MFAP3: variants seen among roughly 807,000 people sequenced by gnomAD.
MFAP3 encodes the protein microfibril associated protein 3.
A neutral mutation model predicts 20.5 loss-of-function variants in MFAP3; 8 were observed. That is an observed-to-expected ratio of 0.39 (90% CI 0.23 to 0.70). The LOEUF is 0.70. Ranked by LOEUF, MFAP3 falls within the 30% of genes least tolerant of loss-of-function variation. The pLI is 0.44. For synonymous variants in MFAP3, 140 were observed against 154.0 expected, an observed-to-expected ratio of 0.91 and a Z score of 0.67; for missense variants, 398 against 444.6, an observed-to-expected ratio of 0.90 and a Z score of 0.94.
At chr5:154,041,132 C>CAAA (rs1176053953) in intron 1 of MFAP3, among the ~76,000 whole-genome samples, 1 of 111,656 alleles carries the variant, frequency 9.0e-6, no homozygotes. Flanking sequence ...ACTGACAGAG[C>CAAA]AAAAAAAAAA....
At chr5:154,045,764 C>T (rs1393233614) in intron 1 of MFAP3, among the ~76,000 whole-genome samples, 2 of 152,106 alleles carry the variant, frequency 1.3e-5, no homozygotes, top group African/African-American at 4.8e-5. Flanking sequence ...AGTCACAGAT[C>T]GTATTTGAAT....
Position 154,055,693 on chromosome 5 carries a change from A to C in MFAP3, c.*1980A>C, listed in dbSNP as rs1042511915. 9.2e-5 allele frequency among the ~76,000 whole-genome samples: 14 copies of C among 151,978 alleles called. No homozygotes were observed. Among genetic ancestry groups the C allele is most frequent in the Admixed American group, 8.5e-4 (13 of 15,260 alleles). Reference sequence around the variant, plus strand: ...AGATCATAGCTCACTGCAGCCTCCAACTCCTGGGGTCAAGCGATCGTCCTG... The same window carrying C: ...AGATCATAGCTCACTGCAGCCTCCACCTCCTGGGGTCAAGCGATCGTCCTG... On this transcript the variant is annotated 3_prime_UTR_variant, in exon 3 of 3. Transcript: ENST00000522782.
chr5:154,044,559 C>G (rs969428113), intron 1 of MFAP3, among the ~76,000 whole-genome samples: 3 of 152,206 alleles, frequency 2.0e-5, no homozygotes, highest in African/African-American at 7.2e-5. Flanking sequence ...ATTGTGCAGC[C>G]TCTTTCTCTT....
Position 154,053,017 on chromosome 5 carries a change from T to C in MFAP3, c.393T>C (p.Arg131=). The C allele has an allele frequency of 6.2e-7, 1 of 1,613,948 alleles. No individual in the cohort carries two copies. The highest frequency in any genetic ancestry group is 8.5e-7 in the Non-Finnish European group (1 of 1,179,888). The part of the protein sequence containing the change: ...LYTCFVTSPI[R]ASYSVTLRVI... ...CCTGTTTCGTCACCTCTCCAATTCGTGCCTCCTACTCTGTCACCCTACGTG... is the reference window on the plus strand; with the variant it reads ...CCTGTTTCGTCACCTCTCCAATTCGCGCCTCCTACTCTGTCACCCTACGTG... Residue 131 remains arginine, a synonymous_variant, in exon 3 of 3, where the codon CGT becomes CGC. Transcript: ENST00000522782.
intron 1 of MFAP3, among the ~76,000 whole-genome samples, chr5:154,042,787 T>C (rs897236246): frequency 2.0e-5 from 3 of 152,112 alleles, no homozygotes; most frequent in African/African-American, 7.2e-5. Flanking sequence ...TAGAACACAT[T>C]TGATTATAGA....
intron 1 of MFAP3, among the ~76,000 whole-genome samples, chr5:154,046,054 G>A (rs867745372): frequency 1.3e-5 from 2 of 152,114 alleles, no homozygotes; most frequent in African/African-American, 2.4e-5. Context: ...TTTCTTACTC[G>A]TTCTGGGTTG....
At chr5:154,048,287 A>C (rs908977912) in intron 1 of MFAP3, among the ~76,000 whole-genome samples, 15 of 152,126 alleles carry the variant, frequency 9.9e-5, no homozygotes, top group African/African-American at 3.4e-4. Flanking sequence ...AAGGTTTTTT[A>C]TTTTACTCTG....
At position 154,054,354 on chromosome 5, in the gene MFAP3, CTG is replaced by C. The variant is rs1450979980; in HGVS notation, c.*643_*644del. The C allele has an allele frequency of 6.0e-6, 1 of 166,942 alleles. No homozygotes were observed. Among genetic ancestry groups the C allele is most frequent in the Non-Finnish European group, 1.5e-5 (1 of 68,170 alleles). The allele number at this position is 166,942 out of a possible 1,614,324, so 10.3% of individuals were successfully genotyped here. ...TGAATCTTTTCAATGTAGCACATGTCTGTAGGGTTATACAGATGTCAGAGAGC... is the reference window on the plus strand; with the variant it reads ...TGAATCTTTTCAATGTAGCACATGTCTAGGGTTATACAGATGTCAGAGAGC... On this transcript the variant is annotated 3_prime_UTR_variant, in exon 3 of 3. Transcript: ENST00000522782.
intron 1 of MFAP3, among the ~76,000 whole-genome samples, chr5:154,042,388 G>A (rs138503890): frequency 1.0e-3 from 157 of 152,306 alleles, no homozygotes; most frequent in Admixed American, 1.6e-3. Context: ...TGTTTCTCCA[G>A]GTGCCAGAAG....
chr5:154,041,374 T>C (rs150184090), intron 1 of MFAP3, among the ~76,000 whole-genome samples: 195 of 152,350 alleles, frequency 1.3e-3, no homozygotes, highest in Non-Finnish European at 2.1e-3. Context: ...GGGTAGATTA[T>C]AGGATTTAAG....
chr5:154,049,803 C>A lies in MFAP3; in HGVS notation c.81C>A (p.Phe27Leu). 6.2e-7 allele frequency: 1 copy of A among 1,613,588 alleles called. No individual in the cohort carries two copies. Among genetic ancestry groups the A allele is most frequent in the Non-Finnish European group, 8.5e-7 (1 of 1,179,684 alleles). The change falls in exon 2 of 3, where the codon TTC becomes TTA. Residue 27 changes from phenylalanine (F) to leucine (L), a missense_variant. Transcript: ENST00000522782. ...PAAFVLEDVD[F>L]DQMVSLEANR... ...CTTTTGTTTTGGAAGATGTGGACTT[C>A]GACCAAATGGTTTCACTGGAAGCAA...
chr5:154,051,504 A>C (rs529575817), intron 2 of MFAP3, among the ~76,000 whole-genome samples: 1 of 152,316 alleles, frequency 6.6e-6, no homozygotes, highest in Non-Finnish European at 1.5e-5. Context: ...AAGGTTCATA[A>C]ATCTTGAGCT....
chr5:154,050,068 T>A (rs1458942874), intron 2 of MFAP3, 51 bp downstream of exon 2: 1 of 1,522,216 alleles, frequency 6.6e-7, no homozygotes, highest in East Asian at 2.3e-5. Flanking sequence ...CTGTTCTGTC[T>A]TCTTATTTTT....
intron 1 of MFAP3, among the ~76,000 whole-genome samples, chr5:154,044,013 C>A (rs1370961430): frequency 1.3e-5 from 2 of 152,228 alleles, no homozygotes; most frequent in Non-Finnish European, 2.9e-5. Flanking sequence ...TGTCTTTTCT[C>A]TGTTGCATTC....
intron 2 of MFAP3, chr5:154,051,994 G>C (rs536851876): frequency 6.6e-5 from 10 of 152,132 alleles, no homozygotes; most frequent in African/African-American, 1.2e-4. Context: ...AAAGCACAGA[G>C]TGCTTTGGGA....
chr5:154,042,833 T>TAA lies in MFAP3; in HGVS notation c.-167+3833_-167+3834dup, dbSNP rs59322564. On this transcript the variant is annotated intron_variant, in intron 1 of 2. Coordinates refer to ENST00000522782, the MANE Select transcript of MFAP3 (RefSeq NM_005927.5). The stretch of plus-strand genomic sequence containing the variant: ...CTAATATCCCAATATAATTGGAGTT[T>TAA]AAAAAAAAAAAATACCACCTGGGCA... Among the ~76,000 whole-genome samples the TAA allele has an allele frequency of 1.4e-3, 208 of 149,108 alleles. 1 individual carries two copies. Among genetic ancestry groups the TAA allele is most frequent in the South Asian group, 1.7e-3 (8 of 4,730 alleles).
chr5:154,045,913 T>G (rs1309781563), intron 1 of MFAP3, among the ~76,000 whole-genome samples: 4 of 152,192 alleles, frequency 2.6e-5, no homozygotes, highest in African/African-American at 9.7e-5. Flanking sequence ...GAAGCACCAT[T>G]CTGCAGGTCA....
At chr5:154,049,505 C>G (rs1773132590) in intron 1 of MFAP3, 52 bp from the exon 2 acceptor site, 2 of 538,924 alleles carry the variant, frequency 3.7e-6, no homozygotes, top group Non-Finnish European at 6.6e-6. Context: ...TACGCACTTT[C>G]ACCCCATTAT....
At chr5:154,048,413 C>T (rs758056268) in intron 1 of MFAP3, among the ~76,000 whole-genome samples, 1 of 152,052 alleles carries the variant, frequency 6.6e-6, no homozygotes, top group Non-Finnish European at 1.5e-5. Flanking sequence ...GTAATTTAGA[C>T]TTTGAGATAT....
Sources: gnomAD v4.1 joint callset for allele counts (sites outside exome capture counted in the v4.1 genomes callset) on GRCh38, gnomAD v4.1.1 for gene constraint, MANE v1.5 for transcripts, NCBI Gene and HGNC (gene_info 2026-07-23, HGNC 2026-07-21) for gene names.